The following DMD variants were observed in gnomAD, a reference collection of about 807,000 sequenced individuals.
The protein encoded by DMD is mutant dystrophin.
In DMD, 63 loss-of-function variants were observed where a neutral mutation model predicts 330.1. The observed-to-expected ratio is 0.19, with a 90% confidence interval of 0.16 to 0.24. The LOEUF (loss-of-function observed/expected upper bound fraction) is 0.24, where lower values mean the gene tolerates loss of function less well. Among genes scored for constraint, DMD ranks in the 10% least tolerant of loss-of-function variants. The pLI is 1.00. For missense variants in DMD, 3,344 were observed against 2,684.1 expected (o/e 1.25, Z -5.43); for synonymous variants, 1,223 against 959.8 (o/e 1.27, Z -5.07).
At chrX:31,752,215 T>C (rs1443449169) in intron 51 of DMD, among the ~76,000 whole-genome samples, 2 of 112,146 alleles carry the variant, frequency 1.8e-5, no homozygotes, top group African/African-American at 6.5e-5. Flanking sequence ...CACAGGTTCC[T>C]GGGATTAGGA....
At chrX:31,129,954 G>A (rs1197373862) in intron 77 of DMD, among the ~76,000 whole-genome samples, 1 of 111,737 alleles carries the variant, frequency 8.9e-6, no homozygotes, top group Non-Finnish European at 1.9e-5. Flanking sequence ...AGAGGGGATG[G>A]TATGAAAAAA....
chrX:32,809,251 C>T (rs1010098869), intron 7 of DMD, among the ~76,000 whole-genome samples: 1 of 111,740 alleles, frequency 8.9e-6, no homozygotes, highest in African/African-American at 3.2e-5. Flanking sequence ...AGGGCATACA[C>T]ATTTTAAAGG....
chrX:31,776,268 C>G (rs1300358965), intron 50 of DMD, among the ~76,000 whole-genome samples: 2 of 111,026 alleles, frequency 1.8e-5, no homozygotes, highest in Non-Finnish European at 3.8e-5. Flanking sequence ...AATAGATACA[C>G]AAGGTATACT....
At chrX:32,727,858 A>G (rs953703836) in intron 7 of DMD, among the ~76,000 whole-genome samples, 2 of 111,483 alleles carry the variant, frequency 1.8e-5, no homozygotes, top group Non-Finnish European at 3.8e-5. Context: ...AATGTACCAC[A>G]CAAAACTCTG....
Position 31,703,545 on chromosome X carries a change from G to T in DMD, c.7661-23959C>A, listed in dbSNP as rs896585796. 2.7e-5 allele frequency among the ~76,000 whole-genome samples: 3 copies of T among 112,022 alleles called. No homozygotes were observed. In the East Asian group the frequency reaches 8.4e-4, roughly 31 times the overall value. On this transcript the variant is annotated intron_variant, in intron 52 of 78. Coordinates refer to ENST00000357033, the MANE Select transcript of DMD (RefSeq NM_004006.3). The stretch of plus-strand genomic sequence containing the variant: ...TTTACGTGCCATTCCATGCTACCTT[G>T]TGAGTTTCTCAAGTCATAACCAAGA...
At chrX:31,687,512 C>T (rs2082764454) in intron 52 of DMD, among the ~76,000 whole-genome samples, 1 of 111,525 alleles carries the variant, frequency 9.0e-6, no homozygotes, top group Non-Finnish European at 1.9e-5. Flanking sequence ...TTTAAGTGAA[C>T]ACCAGTGGAG....
chrX:32,872,260 T>C (rs993494633), intron 2 of DMD, among the ~76,000 whole-genome samples: 27 of 111,806 alleles, frequency 2.4e-4, no homozygotes, highest in African/African-American at 7.8e-4. Flanking sequence ...ACCTCACAGC[T>C]TTTTGACCTG....
chrX:33,213,176 G>A (rs545921596), upstream of DMD, among the ~76,000 whole-genome samples: 2 of 111,482 alleles, frequency 1.8e-5, no homozygotes, highest in African/African-American at 6.5e-5. Context: ...TCAACTTTGA[G>A]AAACCCTAAA....
rs1237043184 is a variant in DMD, at chrX:31,917,135, A to AG, written c.6912+12460dup. ...ACCAGGGAACCAGCATCTTGAAATT[A>AG]GGGGGGGAAATGCAGAACCTCAGGT... On this transcript the variant is annotated intron_variant, in intron 47 of 78. Coordinates refer to ENST00000357033, the MANE Select transcript of DMD (RefSeq NM_004006.3). 3.6e-5 allele frequency among the ~76,000 whole-genome samples: 4 copies of AG among 111,311 alleles called. No homozygotes were observed. The East Asian group carries it at 8.5e-4, about 24-fold the overall frequency.
chrX:32,369,449 T>C (rs948581448), intron 34 of DMD, among the ~76,000 whole-genome samples: 2 of 111,557 alleles, frequency 1.8e-5, no homozygotes, highest in Admixed American at 9.5e-5. Flanking sequence ...ACTTCACTGA[T>C]ACAGTAGCAA....
intron 52 of DMD, among the ~76,000 whole-genome samples, chrX:31,699,725 C>T (rs1837023987): frequency 9.0e-6 from 1 of 111,376 alleles, no homozygotes; most frequent in Non-Finnish European, 1.9e-5. Context: ...TAAAGGGAAC[C>T]GATGTCACCA....
chrX:31,231,966 T>C (rs745364207), intron 63 of DMD, among the ~76,000 whole-genome samples: 3 of 108,042 alleles, frequency 2.8e-5, no homozygotes, highest in Non-Finnish European at 3.8e-5. Flanking sequence ...ACTGTATACA[T>C]AGGGAAACAT....
chrX:32,658,889 T>G (rs2147059815), intron 9 of DMD, among the ~76,000 whole-genome samples: 1 of 112,213 alleles, frequency 8.9e-6, no homozygotes, highest in Admixed American at 9.5e-5. Flanking sequence ...AGGTAGTGTG[T>G]ACTTGAACTT....
At chrX:32,928,945 T>C (rs1002381437) in intron 2 of DMD, among the ~76,000 whole-genome samples, 38 of 112,118 alleles carry the variant, frequency 3.4e-4, no homozygotes, top group Non-Finnish European at 5.8e-4. Flanking sequence ...CAAAAACATT[T>C]ACCCATAACG....
chrX:32,593,103 C>A (rs1436267864), intron 13 of DMD, among the ~76,000 whole-genome samples: 2 of 112,864 alleles, frequency 1.8e-5, no homozygotes, highest in Non-Finnish European at 3.7e-5. Flanking sequence ...GCACAGCCTG[C>A]CAGGCTGAGT....
chrX:32,918,636 C>A (rs2088083388), intron 2 of DMD, among the ~76,000 whole-genome samples: 2 of 112,201 alleles, frequency 1.8e-5, no homozygotes, highest in South Asian at 7.4e-4. Context: ...CAGGCATGAG[C>A]CACTGCACCC....
At chrX:32,581,766 A>G (rs1420208387) in intron 13 of DMD, among the ~76,000 whole-genome samples, 1 of 112,209 alleles carries the variant, frequency 8.9e-6, no homozygotes, top group Non-Finnish European at 1.9e-5. Flanking sequence ...CAAGAAAGGA[A>G]AATAACAGGC....
intron 62 of DMD, among the ~76,000 whole-genome samples, chrX:31,282,744 T>C (rs896544465): frequency 1.7e-4 from 19 of 111,013 alleles, no homozygotes; most frequent in African/African-American, 5.2e-4. Flanking sequence ...AGAGGAGAGA[T>C]AGGGAAAAAC....
intron 12 of DMD, among the ~76,000 whole-genome samples, chrX:32,600,972 T>G (rs1352364402): frequency 3.6e-5 from 4 of 111,440 alleles, no homozygotes; most frequent in African/African-American, 1.3e-4. Flanking sequence ...AATTGACTTT[T>G]TTTCAAATAA....
Sources: allele counts gnomAD v4.1 joint callset (sites outside exome capture counted in the v4.1 genomes callset), GRCh38; gene constraint gnomAD v4.1.1; transcripts MANE v1.5; gene names NCBI Gene and HGNC (gene_info 2026-07-23, HGNC 2026-07-21).